The following CEMIP2 variants were observed in gnomAD, a reference collection of about 807,000 sequenced individuals.
CEMIP2 encodes the protein cell migration inducing hyaluronidase 2, also known as cell surface hyaluronidase CEMIP2.
A neutral mutation model predicts 146.9 loss-of-function variants in CEMIP2; 79 were observed. The ratio of observed to expected loss-of-function variants is 0.54; its 90% confidence interval spans 0.45 to 0.65. The LOEUF (loss-of-function observed/expected upper bound fraction) is 0.65, where lower values mean the gene tolerates loss of function less well. Ranked by LOEUF, CEMIP2 falls within the 30% of genes least tolerant of loss-of-function variation. The pLI is 0.00. For synonymous variants in CEMIP2, 601 were observed against 606.3 expected (o/e 0.99, Z 0.13); for missense variants, 1,596 against 1,696.2 (o/e 0.94, Z 1.04).
chr9:71,704,574 A>C (rs757333064), intron 18 of CEMIP2, 21 bp downstream of exon 18: 2 of 1,612,454 alleles, frequency 1.2e-6, no homozygotes, highest in African/African-American at 2.7e-5. Context: ...ACTATTTGAA[A>C]TAACAGTAAC....
At chr9:71,754,226 T>C (rs1198921740) in intron 1 of CEMIP2, among the ~76,000 whole-genome samples, 1 of 152,162 alleles carries the variant, frequency 6.6e-6, no homozygotes, top group African/African-American at 2.4e-5. Context: ...AAAAAAAAGA[T>C]TTTTTAAAGA....
Position 71,717,518 on chromosome 9 carries a change from ATGT to A in CEMIP2, c.2399+427_2399+429del, listed in dbSNP as rs1823094883. 1.3e-5 allele frequency among the ~76,000 whole-genome samples: 2 copies of A among 152,222 alleles called. 1 individual carries two copies. The highest frequency in any genetic ancestry group is 4.1e-4 in the South Asian group (2 of 4,836). On this transcript the variant is annotated intron_variant, in intron 13 of 23. Transcript: ENST00000377044. The stretch of plus-strand genomic sequence containing the variant: ...AGTGAGATACTTACTGCCTCAAGTC[ATGT>A]TAAGATATAAGTCAACAGATTTACT...
chr9:71,741,726 C>T (rs1157092104), intron 4 of CEMIP2, among the ~76,000 whole-genome samples: 3 of 148,756 alleles, frequency 2.0e-5, no homozygotes, highest in Admixed American at 6.8e-5. Context: ...ACAACCTCCA[C>T]CTCTGGGGTT....
intron 11 of CEMIP2, among the ~76,000 whole-genome samples, chr9:71,724,976 C>T (rs1254654409): frequency 6.6e-6 from 1 of 152,080 alleles, no homozygotes; most frequent in Non-Finnish European, 1.5e-5. Context: ...ACACATGAAT[C>T]AAATCCATTA....
intron 20 of CEMIP2, among the ~76,000 whole-genome samples, chr9:71,696,991 T>G (rs781138811): frequency 1.3e-5 from 2 of 152,216 alleles, no homozygotes; most frequent in Non-Finnish European, 2.9e-5. Flanking sequence ...TTTCTCCATA[T>G]TAATAGGCAG....
upstream of CEMIP2, among the ~76,000 whole-genome samples, chr9:71,769,129 A>G (rs1441964986): frequency 1.3e-5 from 2 of 151,922 alleles, no homozygotes; most frequent in Non-Finnish European, 2.9e-5. Flanking sequence ...GCAGGCTCCT[A>G]CCCTTCCTGG....
intron 4 of CEMIP2, among the ~76,000 whole-genome samples, chr9:71,741,631 GTTTTTTTTT>G (rs11334265): frequency 9.6e-5 from 7 of 73,124 alleles, no homozygotes; most frequent in African/African-American, 3.8e-4. Context: ...TTCTTTTCTG[GTTTTTTTTT>G]TTTTTTTTTT....
intron 13 of CEMIP2, 102 bp from the exon 14 acceptor site, chr9:71,716,654 A>G (rs1823065851): frequency 3.0e-6 from 3 of 1,014,906 alleles, no homozygotes; most frequent in Non-Finnish European, 4.4e-6. Flanking sequence ...AAAGGTCCCA[A>G]TATTTACTCT....
At chr9:71,746,125 C>A (rs1824079517) in intron 3 of CEMIP2, 76 bp downstream of exon 3, 13 of 1,516,112 alleles carry the variant, frequency 8.6e-6, no homozygotes, top group Non-Finnish European at 1.2e-5. Context: ...AAATAGTCTT[C>A]TACATAAGGA....
At chr9:71,751,038 TA>T (rs1824237552) in intron 1 of CEMIP2, among the ~76,000 whole-genome samples, 2 of 152,354 alleles carry the variant, frequency 1.3e-5, no homozygotes, top group South Asian at 4.1e-4. Flanking sequence ...TGAGCCCCAG[TA>T]TCCAGCTGGA....
intron 21 of CEMIP2, 68 bp downstream of exon 21, chr9:71,694,441 G>T: frequency 1.5e-6 from 2 of 1,295,204 alleles, no homozygotes; most frequent in Non-Finnish European, 2.2e-6. Flanking sequence ...TTGTTTATAA[G>T]CTACCTAGTT....
intron 17 of CEMIP2, among the ~76,000 whole-genome samples, chr9:71,706,422 T>C (rs900496837): frequency 6.6e-6 from 1 of 152,136 alleles, no homozygotes; most frequent in Non-Finnish European, 1.5e-5. Flanking sequence ...AAATTTCTGG[T>C]CCATAGTCCT....
At chr9:71,715,648 A>ATATATG (rs967444649) in intron 14 of CEMIP2, among the ~76,000 whole-genome samples, 209 of 134,222 alleles carry the variant, frequency 1.6e-3, no homozygotes, top group Middle Eastern at 7.4e-3. Flanking sequence ...ATATATATAT[A>ATATATG]CTTTTTTTTT....
At chr9:71,722,607 ACTTCTACC>A in intron 11 of CEMIP2, 92 bp from the exon 12 acceptor site, 2 of 998,784 alleles carry the variant, frequency 2.0e-6, no homozygotes, top group Admixed American at 2.8e-5. Context: ...TTAGCTTATC[ACTTCTACC>A]AAAAAAAGTG....
chr9:71,755,463 G>T (rs1824406703), intron 1 of CEMIP2, among the ~76,000 whole-genome samples: 2 of 151,938 alleles, frequency 1.3e-5, no homozygotes, highest in Non-Finnish European at 2.9e-5. Flanking sequence ...CAGGAGGATT[G>T]CATGAGACCA....
At chr9:71,691,433 AATAAAT>A (rs1418103723) in intron 21 of CEMIP2, among the ~76,000 whole-genome samples, 2 of 150,802 alleles carry the variant, frequency 1.3e-5, no homozygotes, top group African/African-American at 2.5e-5. Flanking sequence ...AAAAAAAATA[AATAAAT>A]AAAAAAGCCC....
At chr9:71,709,563 T>C in intron 16 of CEMIP2, 89 bp from the exon 17 acceptor site, 1 of 1,108,876 alleles carries the variant, frequency 9.0e-7, no homozygotes, top group South Asian at 1.3e-5. Flanking sequence ...AGGTCCATTG[T>C]GATTGCTTTA....
chr9:71,749,985 C>T, intron 2 of CEMIP2, 58 bp downstream of exon 2: 1 of 1,466,536 alleles, frequency 6.8e-7, no homozygotes, highest in East Asian at 2.3e-5. Flanking sequence ...AAGTATTCTA[C>T]TATTTCCTCC....
chr9:71,728,258 C>T (rs1312972847), intron 10 of CEMIP2, among the ~76,000 whole-genome samples: 583 of 7,620 alleles, frequency 0.077, 81 homozygotes, highest in Non-Finnish European at 0.16. Flanking sequence ...TATGTATATA[C>T]ACGTATATAT....
Sources: allele counts gnomAD v4.1 joint callset (sites outside exome capture counted in the v4.1 genomes callset), GRCh38; gene constraint gnomAD v4.1.1; transcripts MANE v1.5; gene names NCBI Gene and HGNC (gene_info 2026-07-23, HGNC 2026-07-21).